MED12L: variants seen among roughly 807,000 people sequenced by gnomAD.
MED12L encodes mediator complex subunit 12L, also known as mediator of RNA polymerase II transcription subunit 12-like protein.
MED12L carries 60 observed loss-of-function variants against 281.3 expected under a neutral mutation model. That is an observed-to-expected ratio of 0.21 (90% confidence interval 0.17 to 0.26). The LOEUF (loss-of-function observed/expected upper bound fraction) is 0.26, where lower values mean the gene tolerates loss of function less well. Ranked by LOEUF, MED12L falls within the 10% of genes least tolerant of loss-of-function variation. MED12L has a pLI of 1.00. For missense variants in MED12L, 2,146 were observed against 2,680.9 expected (o/e 0.80, Z 4.41); for synonymous variants, 974 against 987.2 (o/e 0.99, Z 0.25).
intron 43 of MED12L, among the ~76,000 whole-genome samples, chr3:151,421,265 A>G (rs778715227): frequency 2.1e-4 from 32 of 152,154 alleles, no homozygotes; most frequent in Non-Finnish European, 3.8e-4. Flanking sequence ...GAGGTCACCC[A>G]TTGGCGAGCA....
intron 16 of MED12L, among the ~76,000 whole-genome samples, chr3:151,227,999 G>T (rs1342305493): frequency 2.0e-5 from 3 of 152,134 alleles, no homozygotes; most frequent in African/African-American, 7.2e-5. Flanking sequence ...ACCCCTTAAT[G>T]GTAGGTATGT....
intron 11 of MED12L, among the ~76,000 whole-genome samples, chr3:151,179,856 A>G (rs1041307071): frequency 2.0e-5 from 3 of 152,238 alleles, no homozygotes; most frequent in Non-Finnish European, 1.5e-5. Context: ...AAGACATTCA[A>G]TCTGAGAAGT....
At chr3:151,357,144 AT>A in intron 19 of MED12L, 68 bp from the exon 20 acceptor site, 1 of 1,345,044 alleles carries the variant, frequency 7.4e-7, no homozygotes, top group Non-Finnish European at 1.0e-6. Context: ...TCTATGGTTT[AT>A]AAAAATAAAT....
intron 39 of MED12L, among the ~76,000 whole-genome samples, chr3:151,406,870 G>C (rs1716376436): frequency 6.8e-6 from 1 of 146,262 alleles, no homozygotes; most frequent in Non-Finnish European, 1.5e-5. Context: ...GCACGATCTT[G>C]GCTCACTGCA....
At chr3:151,179,147 C>T (rs1323921047) in intron 11 of MED12L, among the ~76,000 whole-genome samples, 2 of 152,116 alleles carry the variant, frequency 1.3e-5, no homozygotes, top group Non-Finnish European at 2.9e-5. Flanking sequence ...CTAGACCAGT[C>T]TGGCCAACAT....
At chr3:151,409,468 T>C in intron 40 of MED12L, 136 bp downstream of exon 40, 2 of 730,556 alleles carry the variant, frequency 2.7e-6, no homozygotes, top group Non-Finnish European at 4.6e-6. Context: ...TAGATTATAA[T>C]TGATATTTCA....
intron 15 of MED12L, among the ~76,000 whole-genome samples, chr3:151,193,123 CTAT>C (rs1390675023): frequency 6.6e-6 from 1 of 152,038 alleles, no homozygotes; most frequent in Non-Finnish European, 1.5e-5. Context: ...ACCTTTATGT[CTAT>C]TATTCATTAG....
At chr3:151,125,298 C>G (rs562033755) in intron 4 of MED12L, among the ~76,000 whole-genome samples, 82 of 152,238 alleles carry the variant, frequency 5.4e-4, no homozygotes, top group African/African-American at 1.9e-3. Flanking sequence ...CACATATGTT[C>G]TTCTTAATTC....
At chr3:151,106,674 C>T (rs1722108420) in intron 2 of MED12L, among the ~76,000 whole-genome samples, 1 of 152,144 alleles carries the variant, frequency 6.6e-6, no homozygotes, top group African/African-American at 2.4e-5. Context: ...TTTATCCATG[C>T]CCATCCTCTG....
chr3:151,331,766 G>A (rs1750378910), intron 16 of MED12L, among the ~76,000 whole-genome samples: 1 of 152,146 alleles, frequency 6.6e-6, no homozygotes, highest in Non-Finnish European at 1.5e-5. Context: ...TGTTTTAAGT[G>A]ATTATATTAT....
chr3:151,131,848 T>C (rs906327148), intron 5 of MED12L, among the ~76,000 whole-genome samples: 7 of 152,196 alleles, frequency 4.6e-5, no homozygotes, highest in African/African-American at 1.2e-4. Flanking sequence ...GGTTGGACTT[T>C]GGAGGGTTAT....
rs2567322 is a variant in MED12L, at chr3:151,165,813, C to T, written c.1358-33C>T. On this transcript the variant is annotated intron_variant, in intron 10 of 44. Coordinates refer to ENST00000687756, the MANE Select transcript of MED12L (RefSeq NM_001393769.1). ...GTGTTATAACTGTGTTATTTTTGGC[C>T]TCATTAACCACTTGTTTAATTTCTG... 0.53 allele frequency: 841,503 copies of T among 1,593,312 alleles called. 232,584 individuals carry two copies. Among genetic ancestry groups the T allele is most frequent in the Non-Finnish European group, 0.56 (660,286 of 1,169,312 alleles).
At chr3:151,159,367 C>CTATA (rs778704139) in intron 7 of MED12L, among the ~76,000 whole-genome samples, 8 of 152,306 alleles carry the variant, frequency 5.3e-5, no homozygotes, top group Admixed American at 3.3e-4. Flanking sequence ...TCCCCACAGA[C>CTATA]TATACCATAG....
chr3:151,387,578 G>C (rs1388350300), intron 36 of MED12L, among the ~76,000 whole-genome samples: 1 of 152,146 alleles, frequency 6.6e-6, no homozygotes, highest in Non-Finnish European at 1.5e-5. Flanking sequence ...TGCCTCTGTT[G>C]CCTAAACAGA....
chr3:151,188,338 T>C lies in MED12L; in HGVS notation c.1627-16T>C. ...TACTTCTGTAATTAACTTTGTTATT[T>C]ATTTTTAATCTGTAGAGATGTGGTG... On this transcript the variant is annotated splice_polypyrimidine_tract_variant and intron_variant, in intron 12 of 44. Coordinates refer to ENST00000687756, the MANE Select transcript of MED12L (RefSeq NM_001393769.1). 1.4e-5 allele frequency: 22 copies of C among 1,582,402 alleles called. No individual in the cohort carries two copies. The highest frequency in any genetic ancestry group is 1.9e-5 in the Non-Finnish European group (22 of 1,155,580).
At chr3:151,337,529 GGCAAAACTCT>G (rs1286827279) in intron 16 of MED12L, 1 of 322,728 alleles carries the variant, frequency 3.1e-6, no homozygotes, top group Non-Finnish European at 5.7e-6. Flanking sequence ...TACTCATTTT[GGCAAAACTCT>G]GCAAAACATG....
chr3:151,428,440 G>T (rs1387666464), intron 43 of MED12L, among the ~76,000 whole-genome samples: 1 of 152,210 alleles, frequency 6.6e-6, no homozygotes, highest in Non-Finnish European at 1.5e-5. Flanking sequence ...AGTAACATTG[G>T]TGGAGGGAAT....
At chr3:151,161,696 T>A (rs1185547395) in intron 8 of MED12L, among the ~76,000 whole-genome samples, 5 of 152,230 alleles carry the variant, frequency 3.3e-5, no homozygotes, top group Admixed American at 3.3e-4. Flanking sequence ...ACCATTATTA[T>A]TCTTATAACA....
intron 16 of MED12L, among the ~76,000 whole-genome samples, chr3:151,311,502 ATTC>A (rs1476035010): frequency 6.6e-6 from 1 of 152,072 alleles, no homozygotes; most frequent in Non-Finnish European, 1.5e-5. Context: ...GGCATTTACT[ATTC>A]TTCTATTAAT....
Sources: allele counts gnomAD v4.1 joint callset (sites outside exome capture counted in the v4.1 genomes callset), GRCh38; gene constraint gnomAD v4.1.1; transcripts MANE v1.5; gene names NCBI Gene and HGNC (gene_info 2026-07-23, HGNC 2026-07-21).